SH3RF2: variants seen among roughly 807,000 people sequenced by gnomAD.
SH3RF2 encodes the protein E3 ubiquitin-protein ligase SH3RF2.
In SH3RF2, 43 loss-of-function variants were observed where a neutral mutation model predicts 59.0. The observed-to-expected ratio is 0.73, with a 90% confidence interval of 0.57 to 0.94. SH3RF2 has a LOEUF of 0.94. Ranked by LOEUF, SH3RF2 falls within the 40% of genes least tolerant of loss-of-function variation. SH3RF2 has a pLI of 0.00. For synonymous variants in SH3RF2, 391 were observed against 391.5 expected, an observed-to-expected ratio of 1.00 and a Z score of 0.01; for missense variants, 930 against 940.1, an observed-to-expected ratio of 0.99 and a Z score of 0.14.
At position 145,937,800 on chromosome 5, in the gene SH3RF2, TCTC is replaced by T; in HGVS notation, c.-106-19_-106-17del. The stretch of plus-strand genomic sequence containing the variant: ...CTCGGAGCAGTCACATTTTTTTTTC[TCTC>T]CTCTCCCTCCTTCAAGCAGGCAAAA... On this transcript the variant is annotated intron_variant, in intron 1 of 9. Coordinates refer to ENST00000359120, the MANE Select transcript of SH3RF2 (RefSeq NM_152550.4). The T allele has an allele frequency of 9.0e-7, 1 of 1,105,798 alleles. No individual in the cohort carries two copies. 68.5% of individuals were successfully genotyped at this position (1,105,798 alleles called of 1,614,324 possible).
intron 2 of SH3RF2, among the ~76,000 whole-genome samples, chr5:145,976,313 T>C (rs1759292206): frequency 6.6e-6 from 1 of 152,156 alleles, no homozygotes; most frequent in Non-Finnish European, 1.5e-5. Context: ...AATACCTGCC[T>C]CATCAGCTGG....
At position 146,059,928 on chromosome 5, in the gene SH3RF2, C is replaced by A. The variant is rs764326208; in HGVS notation, c.1618C>A (p.Arg540Ser). 2 of 1,512,888 alleles carry A rather than the reference C, an allele frequency of 1.3e-6. No homozygotes were observed. The highest frequency in any genetic ancestry group is 2.7e-5 in the South Asian group (2 of 73,712). The allele number at this position is 1,512,888 out of a possible 1,614,324, so 93.7% of individuals were successfully genotyped here. A position where few individuals can be genotyped will look rare whatever the true frequency, so the allele number is the denominator to read the frequency against. Residue 540 changes from arginine to serine, a missense_variant, in exon 9 of 10, where the codon CGC (arginine) becomes AGC (serine). Transcript: ENST00000359120. ...CACTCTCGTGGTAGGCTCCCTCAGA[C>A]GCAGCCCCACCATGGTCCTTCGGCC... is the stretch of plus-strand genomic sequence containing the variant. ...IPTLVVGSLR[R>S]SPTMVLRPQQ...
intron 2 of SH3RF2, chr5:145,997,181 C>A: frequency 1.3e-6 from 1 of 750,540 alleles, no homozygotes; most frequent in South Asian, 1.5e-5. Flanking sequence ...CCAGCATTTA[C>A]CATTGTCAAT....
At chr5:146,031,084 T>C (rs1040183590) in intron 5 of SH3RF2, among the ~76,000 whole-genome samples, 2 of 152,204 alleles carry the variant, frequency 1.3e-5, no homozygotes, top group Non-Finnish European at 2.9e-5. Context: ...TTTGTGAGAA[T>C]GTGTGTGCCT....
intron 9 of SH3RF2, among the ~76,000 whole-genome samples, chr5:146,072,448 G>A (rs1269425322): frequency 2.6e-5 from 4 of 152,134 alleles, no homozygotes; most frequent in Non-Finnish European, 5.9e-5. Context: ...TGAGGCAGGC[G>A]GATCACAAGG....
intron 2 of SH3RF2, among the ~76,000 whole-genome samples, chr5:145,940,529 C>G (rs931231292): frequency 6.6e-6 from 1 of 152,200 alleles, no homozygotes; most frequent in Admixed American, 6.5e-5. Flanking sequence ...AATGGACTTA[C>G]ATCCTCGGTC....
rs142456711 is a variant in SH3RF2, at chr5:146,062,498, G to C, written c.1987G>C (p.Gly663Arg). The part of the protein sequence containing the change: ...TKHYTSHPTS[G>R]KPEQPATLKA... The stretch of plus-strand genomic sequence containing the variant: ...ACATTACACCTCCCATCCCACCTCC[G>C]GAAAGCCTGAACAGCCAGCCACCCT... Residue 663 changes from glycine to arginine, a missense_variant, in exon 10 of 10, where the codon GGA (glycine) becomes CGA (arginine). Transcript: ENST00000359120. The C allele has an allele frequency of 6.2e-7, 1 of 1,614,066 alleles. No homozygotes were observed. Among genetic ancestry groups the C allele is most frequent in the Non-Finnish European group, 8.5e-7 (1 of 1,180,010 alleles).
rs546635335 is a variant in SH3RF2, at chr5:145,976,941, C to T, written c.379-23117C>T. ...CTAAGACTTACTCATAAAGTACCCC[C>T]TTCCCAGAGTCTGGCTCATGCCCTT... is the stretch of plus-strand genomic sequence containing the variant. On this transcript the variant is annotated intron_variant, in intron 2 of 9. Coordinates refer to ENST00000359120, the MANE Select transcript of SH3RF2 (RefSeq NM_152550.4). Among the ~76,000 whole-genome samples the T allele has an allele frequency of 3.3e-5, 5 of 152,370 alleles. No homozygotes were observed. The East Asian group carries it at 7.7e-4, about 24-fold the overall frequency.
chr5:145,970,058 AG>A (rs1217903040), intron 2 of SH3RF2, among the ~76,000 whole-genome samples: 1 of 152,210 alleles, frequency 6.6e-6, no homozygotes, highest in Non-Finnish European at 1.5e-5. Context: ...AACTGTGACA[AG>A]CCCTTTACTC....
intron 2 of SH3RF2, among the ~76,000 whole-genome samples, chr5:145,981,417 T>C (rs530311356): frequency 6.7e-6 from 1 of 149,500 alleles, no homozygotes; most frequent in East Asian, 2.0e-4. Context: ...AATTTTTTGA[T>C]GGTTTGTTTG....
chr5:146,049,135 A>T lies in SH3RF2; in HGVS notation c.1212A>T (p.Gly404=), dbSNP rs370704589. The change falls in exon 7 of 10, where the codon GGA becomes GGT. Residue 404 remains glycine, a synonymous_variant. Coordinates refer to ENST00000359120, the MANE Select transcript of SH3RF2 (RefSeq NM_152550.4). ...CCGATGAGCTGGACCTGCAAAAGGG[A>T]GAAGGCGTCAGGGTCCTGGGGAAGT... is the stretch of plus-strand genomic sequence containing the variant. ...HGPDELDLQK[G]EGVRVLGKCQ... 8.1e-6 allele frequency: 13 copies of T among 1,614,016 alleles called. No individual in the cohort carries two copies. The highest frequency in any genetic ancestry group is 1.1e-5 in the Non-Finnish European group (13 of 1,179,992).
intron 2 of SH3RF2, among the ~76,000 whole-genome samples, chr5:145,945,168 C>G (rs948366168): frequency 1.3e-5 from 2 of 152,200 alleles, no homozygotes; most frequent in African/African-American, 2.4e-5. Flanking sequence ...AGAAACACTA[C>G]TATGTTACAT....
In SH3RF2 at chr5:145,938,179, G is replaced by A; in HGVS notation, c.251G>A (p.Arg84Lys). 2 of 1,614,096 alleles carry A rather than the reference G, an allele frequency of 1.2e-6. No individual in the cohort carries two copies. Among genetic ancestry groups the A allele is most frequent in the East Asian group, 2.2e-5 (1 of 44,886 alleles). Residue 84 changes from arginine to lysine, a missense_variant, in exon 2 of 10, where the codon AGA (arginine) becomes AAA (lysine). Arg to Lys is a conservative substitution (Grantham distance 26). Coordinates refer to ENST00000359120, the MANE Select transcript of SH3RF2 (RefSeq NM_152550.4). ...DGVRSGQSSG[R>K]GGSFRRPGTM... ...GTGCGCTCAGGGCAGAGCTCCGGGAGAGGGGGCTCCTTCCGCAGGCCTGGC... is the reference window on the plus strand; with the variant it reads ...GTGCGCTCAGGGCAGAGCTCCGGGAAAGGGGGCTCCTTCCGCAGGCCTGGC...
chr5:145,994,825 G>A (rs1760086864), intron 2 of SH3RF2, among the ~76,000 whole-genome samples: 1 of 152,184 alleles, frequency 6.6e-6, no homozygotes, highest in Non-Finnish European at 1.5e-5. Context: ...GTGAGAATTA[G>A]AGAGTGCTTA....
chr5:146,074,360 G>A (rs1304544727), intron 9 of SH3RF2, among the ~76,000 whole-genome samples: 1 of 152,132 alleles, frequency 6.6e-6, no homozygotes, highest in Non-Finnish European at 1.5e-5. Flanking sequence ...GTCATAGGAA[G>A]GATGAACATA....
At chr5:146,055,711 G>T in intron 7 of SH3RF2, 1 of 496,088 alleles carries the variant, frequency 2.0e-6, no homozygotes, top group Non-Finnish European at 3.6e-6. Flanking sequence ...GAAAAAGGAT[G>T]AAATTCAAGT....
At position 145,975,060 on chromosome 5, in the gene SH3RF2, C is replaced by A. The variant is rs147191383; in HGVS notation, c.379-24998C>A. The stretch of plus-strand genomic sequence containing the variant: ...CACTACAGCCAAGCTATGTCCAGAA[C>A]CTTGGAGACACCTGGCTCATCCAGG... On this transcript the variant is annotated intron_variant, in intron 2 of 9. Coordinates refer to ENST00000359120, the MANE Select transcript of SH3RF2 (RefSeq NM_152550.4). Among the ~76,000 whole-genome samples the A allele has an allele frequency of 1.1e-4, 16 of 152,296 alleles. No homozygotes were observed. The Middle Eastern group carries it at 0.01, about 97-fold the overall frequency.
intron 2 of SH3RF2, among the ~76,000 whole-genome samples, chr5:145,943,529 C>A (rs1008833393): frequency 2.6e-5 from 4 of 152,250 alleles, no homozygotes; most frequent in African/African-American, 9.6e-5. Flanking sequence ...TTCTTTTAGC[C>A]TCTGCCTGAT....
intron 5 of SH3RF2, among the ~76,000 whole-genome samples, chr5:146,025,416 C>T (rs544850351): frequency 6.6e-6 from 1 of 152,364 alleles, no homozygotes; most frequent in Admixed American, 6.5e-5. Context: ...CCTTGGCCCA[C>T]ATGTTCCCTC....
Sources: gnomAD v4.1 joint callset for allele counts (sites outside exome capture counted in the v4.1 genomes callset) on GRCh38, gnomAD v4.1.1 for gene constraint, MANE v1.5 for transcripts, NCBI Gene and HGNC (gene_info 2026-07-23, HGNC 2026-07-21) for gene names.